Variants in MACROD2 observed in about 807,000 individuals in gnomAD.
The protein encoded by MACROD2 is mono-ADP ribosylhydrolase 2.
Under a neutral mutation model 70.4 loss-of-function variants are expected in MACROD2, and 36 were observed. The observed-to-expected ratio is 0.51, with a 90% CI of 0.39 to 0.68. The LOEUF (loss-of-function observed/expected upper bound fraction) is 0.68, where lower values mean the gene tolerates loss of function less well. Among genes scored for constraint, MACROD2 ranks in the 30% least tolerant of loss-of-function variants. The pLI, the probability that MACROD2 is intolerant of heterozygous loss-of-function variation, is 0.00. For missense variants in MACROD2, 496 were observed against 538.4 expected (o/e 0.92, Z 0.78); for synonymous variants, 172 against 178.8 (o/e 0.96, Z 0.30).
chr20:14,892,393 T>C (rs1325298459), intron 5 of MACROD2, among the ~76,000 whole-genome samples: 1 of 151,990 alleles, frequency 6.6e-6, no homozygotes, highest in East Asian at 1.9e-4. Flanking sequence ...GAGAATCACT[T>C]AAACCCAGGA....
intron 5 of MACROD2, among the ~76,000 whole-genome samples, chr20:14,823,506 A>G (rs548184887): frequency 5.3e-5 from 8 of 152,196 alleles, no homozygotes; most frequent in Middle Eastern, 3.4e-3. Flanking sequence ...TATCCTTAGC[A>G]CACTCAAGGT....
chr20:14,049,695 G>A (rs901647964), intron 2 of MACROD2, among the ~76,000 whole-genome samples: 1 of 151,816 alleles, frequency 6.6e-6, no homozygotes, highest in Admixed American at 6.6e-5. Context: ...AGAGGTTACA[G>A]TGAGCCGAGA....
chr20:15,894,907 A>G (rs1163979524), intron 10 of MACROD2, among the ~76,000 whole-genome samples: 1 of 152,190 alleles, frequency 6.6e-6, no homozygotes. Flanking sequence ...TGGGGCTTCC[A>G]AATCTCCTGT....
At chr20:14,603,259 G>A (rs1982604741) in intron 4 of MACROD2, among the ~76,000 whole-genome samples, 2 of 152,262 alleles carry the variant, frequency 1.3e-5, no homozygotes, top group African/African-American at 2.4e-5. Flanking sequence ...GAGTGGGGAG[G>A]AACTGTGTGC....
At chr20:16,032,969 T>A (rs1196221723) in intron 15 of MACROD2, among the ~76,000 whole-genome samples, 1 of 152,066 alleles carries the variant, frequency 6.6e-6, no homozygotes, top group Non-Finnish European at 1.5e-5. Flanking sequence ...TTAAAAGCCT[T>A]TGACTTATTT....
At chr20:14,773,876 C>G (rs75972251) in intron 5 of MACROD2, among the ~76,000 whole-genome samples, 5,143 of 152,106 alleles carry the variant, frequency 0.034, 134 homozygotes, top group Non-Finnish European at 0.049. Context: ...TGTGATGTAG[C>G]TATACTTACT....
chr20:15,194,167 A>T (rs2145918515), intron 5 of MACROD2, among the ~76,000 whole-genome samples: 2 of 136,414 alleles, frequency 1.5e-5, no homozygotes, highest in South Asian at 5.2e-4. Flanking sequence ...AATTGCTTGA[A>T]CCCAGGAGGC....
intron 10 of MACROD2, among the ~76,000 whole-genome samples, chr20:15,899,591 C>T (rs2065033975): frequency 6.6e-6 from 1 of 152,164 alleles, no homozygotes; most frequent in East Asian, 1.9e-4. Flanking sequence ...ATGTTTCAAA[C>T]AGTAATTTTC....
At chr20:14,091,349 G>A (rs1367562829) in intron 3 of MACROD2, among the ~76,000 whole-genome samples, 2 of 152,110 alleles carry the variant, frequency 1.3e-5, no homozygotes, top group Non-Finnish European at 2.9e-5. Flanking sequence ...GGAAGGAAAT[G>A]GGGAGTTGTT....
At chr20:15,532,293 A>G (rs1195471585) in intron 8 of MACROD2, among the ~76,000 whole-genome samples, 2 of 152,206 alleles carry the variant, frequency 1.3e-5, no homozygotes, top group Non-Finnish European at 2.9e-5. Flanking sequence ...AAATTCAGAT[A>G]TAAGTGGATG....
At chr20:15,520,301 G>T (rs182356496) in intron 8 of MACROD2, among the ~76,000 whole-genome samples, 1 of 152,172 alleles carries the variant, frequency 6.6e-6, no homozygotes, top group South Asian at 2.1e-4. Flanking sequence ...TTATAATTTT[G>T]TGAAGTGTCT....
intron 8 of MACROD2, among the ~76,000 whole-genome samples, chr20:15,810,031 C>T (rs1444903098): frequency 3.0e-5 from 4 of 133,924 alleles, no homozygotes; most frequent in Non-Finnish European, 6.3e-5. Flanking sequence ...CACCCCACAA[C>T]AGTGCCGGGA....
chr20:14,988,137 G>A (rs990301967), intron 5 of MACROD2, among the ~76,000 whole-genome samples: 2 of 152,054 alleles, frequency 1.3e-5, no homozygotes, highest in African/African-American at 4.8e-5. Flanking sequence ...GTCGAGGCGG[G>A]CAGATCACCT....
chr20:15,028,854 G>A (rs1414437284), intron 5 of MACROD2, among the ~76,000 whole-genome samples: 1 of 152,182 alleles, frequency 6.6e-6, no homozygotes, highest in Non-Finnish European at 1.5e-5. Context: ...TTGTGCAGAG[G>A]CAGGGTACTT....
intron 8 of MACROD2, among the ~76,000 whole-genome samples, chr20:15,622,226 T>C (rs1173480206): frequency 6.6e-6 from 1 of 152,254 alleles, no homozygotes; most frequent in Non-Finnish European, 1.5e-5. Flanking sequence ...AACTCATTGT[T>C]GTCATTATTG....
In MACROD2 at chr20:15,356,557, C is replaced by T. The variant is rs142348570; in HGVS notation, c.541-74848C>T. ...CAACACTTTGGGAGGCTGAGGTGGG[C>T]AGATCACTTGAGGTCAGGAGTTTTG... On this transcript the variant is annotated intron_variant, in intron 6 of 17. Coordinates refer to ENST00000684519, the MANE Select transcript of MACROD2 (RefSeq NM_001351661.2). Among the ~76,000 whole-genome samples, 720 of 152,100 alleles carry T rather than the reference C, an allele frequency of 4.7e-3. 5 individuals carry two copies. Among genetic ancestry groups the T allele is most frequent in the African/African-American group, 0.016 (670 of 41,518 alleles).
chr20:16,026,181 C>T (rs1315073187), intron 15 of MACROD2, among the ~76,000 whole-genome samples: 2 of 151,802 alleles, frequency 1.3e-5, no homozygotes, highest in East Asian at 3.9e-4. Flanking sequence ...AACAAACAAA[C>T]AAACAAACAA....
chr20:14,024,439 G>T (rs1054583238), intron 2 of MACROD2, among the ~76,000 whole-genome samples: 2 of 152,202 alleles, frequency 1.3e-5, no homozygotes, highest in Non-Finnish European at 2.9e-5. Context: ...GAATAGGAGT[G>T]GTGAGAGAGG....
chr20:14,693,025 C>G (rs1254512281), intron 5 of MACROD2, among the ~76,000 whole-genome samples: 1 of 152,210 alleles, frequency 6.6e-6, no homozygotes, highest in African/African-American at 2.4e-5. Context: ...TATTTGCCAT[C>G]ATAGCAAGCC....
Sources: gnomAD v4.1 joint callset for allele counts (sites outside exome capture counted in the v4.1 genomes callset) on GRCh38, gnomAD v4.1.1 for gene constraint, MANE v1.5 for transcripts, NCBI Gene and HGNC (gene_info 2026-07-23, HGNC 2026-07-21) for gene names.